ENOX1: variants seen among roughly 807,000 people sequenced by gnomAD.
ENOX1 encodes the protein candidate growth-related and time keeping constitutive hydroquinone (NADH) oxidase.
In ENOX1, 42 loss-of-function variants were observed where a neutral mutation model predicts 82.5. The observed-to-expected ratio is 0.51, with a 90% CI of 0.40 to 0.66. The LOEUF (loss-of-function observed/expected upper bound fraction) is 0.66, where lower values mean the gene tolerates loss of function less well. Ranked by LOEUF, ENOX1 falls within the 30% of genes least tolerant of loss-of-function variation. The pLI is 0.00. For missense variants in ENOX1, 608 were observed against 811.6 expected (o/e 0.75, Z 3.05); for synonymous variants, 271 against 282.2 (o/e 0.96, Z 0.40).
chr13:43,291,745 G>C (rs2046012080), intron 12 of ENOX1, among the ~76,000 whole-genome samples: 1 of 152,208 alleles, frequency 6.6e-6, no homozygotes, highest in African/African-American at 2.4e-5. Flanking sequence ...CAAGATGTCA[G>C]AGGCAATGTA....
chr13:43,717,273 A>C (rs299334), intron 1 of ENOX1, among the ~76,000 whole-genome samples: 151,661 of 152,270 alleles, frequency 1, 75,529 homozygotes, highest in East Asian at 1. Flanking sequence ...ACAAAATCAA[A>C]AAAAATATGC....
intron 2 of ENOX1, among the ~76,000 whole-genome samples, chr13:43,556,837 C>T (rs1173813372): frequency 5.9e-5 from 9 of 152,124 alleles, no homozygotes; most frequent in Admixed American, 5.2e-4. Flanking sequence ...GTCACAAGTG[C>T]CATATATGGC....
intron 2 of ENOX1, among the ~76,000 whole-genome samples, chr13:43,592,350 C>A (rs2081281782): frequency 6.6e-6 from 1 of 152,142 alleles, no homozygotes; most frequent in Admixed American, 6.5e-5. Context: ...AATTTAAAAT[C>A]TTGAGCATCT....
chr13:43,731,527 G>T (rs201288635), intron 1 of ENOX1, among the ~76,000 whole-genome samples: 12 of 147,900 alleles, frequency 8.1e-5, no homozygotes, highest in Admixed American at 2.7e-4. Context: ...TCCTGTTTTT[G>T]TTTTTTTTTT....
At chr13:43,274,637 A>G (rs1161461674) in intron 12 of ENOX1, among the ~76,000 whole-genome samples, 1 of 152,218 alleles carries the variant, frequency 6.6e-6, no homozygotes, top group Non-Finnish European at 1.5e-5. Flanking sequence ...GGCTGATGGC[A>G]GCGTAATTTT....
chr13:43,545,980 T>C (rs1055951648), intron 2 of ENOX1: 1 of 129,694 alleles, frequency 7.7e-6, no homozygotes, highest in East Asian at 3.5e-4. Context: ...AATAGAACTA[T>C]TTGTTTATGT....
In ENOX1 at chr13:43,505,759, G is replaced by C. The variant is rs944923902; in HGVS notation, c.-218-21607C>G. On this transcript the variant is annotated intron_variant, in intron 2 of 16. Transcript: ENST00000690772. The stretch of plus-strand genomic sequence containing the variant: ...GTGCAGAAGCTCTTTAGTTTAATTA[G>C]ATCCCATTTGTCAATTGTGGCTTTT... Among the ~76,000 whole-genome samples the C allele has an allele frequency of 8.5e-5, 13 of 152,116 alleles. 1 individual carries two copies. The highest frequency in any genetic ancestry group is 8.5e-4 in the Admixed American group (13 of 15,254).
chr13:43,566,143 G>A (rs2079911536), intron 2 of ENOX1, among the ~76,000 whole-genome samples: 2 of 152,148 alleles, frequency 1.3e-5, no homozygotes, highest in Non-Finnish European at 2.9e-5. Context: ...TTACACAAAT[G>A]TTGAATATAA....
At chr13:43,470,344 A>ATATATATATACACATATATATG (rs2057980329) in intron 3 of ENOX1, among the ~76,000 whole-genome samples, 3 of 11,534 alleles carry the variant, frequency 2.6e-4, no homozygotes, top group Non-Finnish European at 4.5e-4. Flanking sequence ...ATATATACGT[A>ATATATATATACACATATATATG]TATATATATG....
chr13:43,634,088 G>A (rs1037814487), intron 2 of ENOX1, among the ~76,000 whole-genome samples: 2 of 152,012 alleles, frequency 1.3e-5, no homozygotes, highest in African/African-American at 4.8e-5. Flanking sequence ...ATTCATATTT[G>A]AACCGGCCAA....
chr13:43,773,432 A>G (rs968492923), intron 1 of ENOX1, among the ~76,000 whole-genome samples: 1 of 152,220 alleles, frequency 6.6e-6, no homozygotes, highest in African/African-American at 2.4e-5. Flanking sequence ...CAAAGTCCCC[A>G]GCATGGTTTA....
intron 2 of ENOX1, chr13:43,545,518 C>T (rs1231306923): frequency 6.6e-6 from 1 of 152,252 alleles, no homozygotes; most frequent in Non-Finnish European, 1.5e-5. Flanking sequence ...TGGCCTCCAT[C>T]AGAGGCCTGG....
chr13:43,397,161 T>A (rs2053206062), intron 5 of ENOX1, among the ~76,000 whole-genome samples: 1 of 152,226 alleles, frequency 6.6e-6, no homozygotes, highest in Non-Finnish European at 1.5e-5. Flanking sequence ...CATAGAAAAT[T>A]CAGACAAGGA....
chr13:43,761,911 G>A (rs2153835661), intron 1 of ENOX1, among the ~76,000 whole-genome samples: 1 of 152,210 alleles, frequency 6.6e-6, no homozygotes. Flanking sequence ...TCTTCTCTAG[G>A]GTCATGCTGC....
At chr13:43,321,063 A>C (rs757935454) in intron 11 of ENOX1, 16 of 456,312 alleles carry the variant, frequency 3.5e-5, no homozygotes, top group Middle Eastern at 3.3e-4. Flanking sequence ...ATGGCTTCAG[A>C]AAATAGTGGC....
At chr13:43,247,174 G>A (rs1045810490) in intron 14 of ENOX1, among the ~76,000 whole-genome samples, 1 of 152,198 alleles carries the variant, frequency 6.6e-6, no homozygotes, top group Non-Finnish European at 1.5e-5. Flanking sequence ...AAATTAGCCA[G>A]GCATGGCAGC....
chr13:43,514,049 G>C (rs886432287), intron 2 of ENOX1, among the ~76,000 whole-genome samples: 2 of 152,124 alleles, frequency 1.3e-5, no homozygotes, highest in African/African-American at 4.8e-5. Context: ...TACAGGAGCA[G>C]TAATAATTAG....
At chr13:43,318,218 T>C (rs2047621107) in intron 11 of ENOX1, among the ~76,000 whole-genome samples, 1 of 152,228 alleles carries the variant, frequency 6.6e-6, no homozygotes, top group African/African-American at 2.4e-5. Flanking sequence ...AGTTTTACTC[T>C]TCTAACATTT....
chr13:43,328,711 G>C (rs1438429894), intron 9 of ENOX1, among the ~76,000 whole-genome samples: 1 of 152,140 alleles, frequency 6.6e-6, no homozygotes, highest in Non-Finnish European at 1.5e-5. Context: ...GGGGTAAAAG[G>C]AGATCCCCTA....
Sources: allele counts gnomAD v4.1 joint callset (sites outside exome capture counted in the v4.1 genomes callset), GRCh38; gene constraint gnomAD v4.1.1; transcripts MANE v1.5; gene names NCBI Gene and HGNC (gene_info 2026-07-23, HGNC 2026-07-21).